SFMBT1: variants seen among roughly 807,000 people sequenced by gnomAD.
SFMBT1 encodes the protein scm-like with four MBT domains protein 1.
In SFMBT1, 32 loss-of-function variants were observed where a neutral mutation model predicts 108.7. The observed-to-expected ratio is 0.29, with a 90% confidence interval of 0.22 to 0.40. The LOEUF (loss-of-function observed/expected upper bound fraction) is 0.40, where lower values mean the gene tolerates loss of function less well. Ranked by LOEUF, SFMBT1 falls within the 10% of genes least tolerant of loss-of-function variation. The probability of loss-of-function intolerance (pLI) is 1.00; values close to 1 mark genes in which losing one functional copy is unlikely to be tolerated. For missense variants in SFMBT1, 816 were observed against 1,059.6 expected, an observed-to-expected ratio of 0.77 and a Z score of 3.19; for synonymous variants, 348 against 369.5, an observed-to-expected ratio of 0.94 and a Z score of 0.67.
chr3:52,957,967 A>C (rs1703833496), intron 2 of SFMBT1, among the ~76,000 whole-genome samples: 1 of 152,234 alleles, frequency 6.6e-6, no homozygotes, highest in South Asian at 2.1e-4. Flanking sequence ...AACGGGATCT[A>C]ATTAAACTAA....
chr3:53,040,761 G>T (rs548180920), intron 1 of SFMBT1, among the ~76,000 whole-genome samples: 1 of 151,950 alleles, frequency 6.6e-6, no homozygotes, highest in African/African-American at 2.4e-5. Context: ...GAGTTCAACA[G>T]GTACTTAACA....
chr3:52,971,301 C>T (rs1340588058), intron 1 of SFMBT1, among the ~76,000 whole-genome samples: 2 of 152,090 alleles, frequency 1.3e-5, no homozygotes, highest in East Asian at 1.9e-4. Flanking sequence ...TCATAATGAG[C>T]GTAGAAAACG....
At chr3:52,932,377 TA>T (rs1405432747) in intron 5 of SFMBT1, 69 bp from the exon 6 acceptor site, 5 of 1,492,828 alleles carry the variant, frequency 3.3e-6, no homozygotes, top group Non-Finnish European at 4.5e-6. Context: ...AGCCAACTTA[TA>T]AATGATCTCA....
intron 1 of SFMBT1, among the ~76,000 whole-genome samples, chr3:53,032,716 G>C (rs2106960433): frequency 6.6e-6 from 1 of 152,290 alleles, no homozygotes; most frequent in Non-Finnish European, 1.5e-5. Flanking sequence ...TGTGTGCAAG[G>C]TACTAACTAG....
chr3:52,920,531 A>C lies in SFMBT1; in HGVS notation c.1372+6T>G. On this transcript the variant is annotated splice_donor_region_variant and intron_variant, in intron 12 of 20. Transcript: ENST00000394752. Reference sequence around the variant, plus strand: ...TCAATCCTCTAACCCAGAAATAGACAGATACCTCGTGCTCGGCGAGGAGTG... The same window carrying C: ...TCAATCCTCTAACCCAGAAATAGACCGATACCTCGTGCTCGGCGAGGAGTG... 3.7e-6 allele frequency: 6 copies of C among 1,605,338 alleles called. No individual in the cohort carries two copies. The highest frequency in any genetic ancestry group is 5.1e-6 in the Non-Finnish European group (6 of 1,172,736).
chr3:53,028,751 C>G (rs1022197918), intron 1 of SFMBT1, among the ~76,000 whole-genome samples: 1 of 152,156 alleles, frequency 6.6e-6, no homozygotes, highest in African/African-American at 2.4e-5. Context: ...AGAGCAAACA[C>G]AACTCAGAAA....
chr3:52,932,400 G>C (rs1439469035), intron 5 of SFMBT1, 92 bp from the exon 6 acceptor site: 2 of 1,342,034 alleles, frequency 1.5e-6, no homozygotes, highest in African/African-American at 1.5e-5. Context: ...ACCAGCCTTT[G>C]TATTTTTTAC....
At chr3:53,045,288 G>A (rs936797046) in intron 1 of SFMBT1, 2 of 146,818 alleles carry the variant, frequency 1.4e-5, no homozygotes, top group Admixed American at 6.7e-5. Context: ...GACCGGCCGC[G>A]CGCCCGGCCC....
rs35322172 is a variant in SFMBT1 at position 52,981,164 on chromosome 3, G to GAAA, written c.-130-11909_-130-11907dup. On this transcript the variant is annotated intron_variant, in intron 1 of 20. Transcript: ENST00000394752. ...GCAACAAGAGCGAAATTCCATCTCAGAAAAAAAAAAAAAAAAGGTGAAGGA... is the reference window on the plus strand; with the variant it reads ...GCAACAAGAGCGAAATTCCATCTCAGAAAAAAAAAAAAAAAAAAAGGTGAAGGA... Among the ~76,000 whole-genome samples, 13 of 107,456 alleles carry GAAA rather than the reference G, an allele frequency of 1.2e-4. No individual in the cohort carries two copies. The South Asian group carries it at 3.5e-3, about 29-fold the overall frequency. 70.5% of individuals were successfully genotyped at this position (107,456 alleles called of 152,430 possible).
intron 10 of SFMBT1, among the ~76,000 whole-genome samples, chr3:52,925,619 G>A (rs1280506417): frequency 6.6e-6 from 1 of 152,108 alleles, no homozygotes; most frequent in Non-Finnish European, 1.5e-5. Flanking sequence ...GGTAGGGCAG[G>A]GACTGCTATT....
intron 1 of SFMBT1, among the ~76,000 whole-genome samples, chr3:52,995,528 C>A (rs1698293158): frequency 6.7e-6 from 1 of 150,104 alleles, no homozygotes; most frequent in African/African-American, 2.4e-5. Flanking sequence ...GTAGCTAGGA[C>A]TACAGGCATA....
At chr3:52,960,616 G>GATCTATCTATCTATCTATCT (rs35638922) in intron 2 of SFMBT1, among the ~76,000 whole-genome samples, 4 of 150,594 alleles carry the variant, frequency 2.7e-5, no homozygotes, top group Non-Finnish European at 5.9e-5. Flanking sequence ...ATTATCATAT[G>GATCTATCTATCTATCTATCT]ATCTATCTAT....
chr3:53,031,062 C>T (rs1322188288), intron 1 of SFMBT1, among the ~76,000 whole-genome samples: 1 of 152,196 alleles, frequency 6.6e-6, no homozygotes, highest in Non-Finnish European at 1.5e-5. Context: ...GCCTGTCCAA[C>T]CCTCTTCAGA....
At chr3:52,906,390 C>A in intron 19 of SFMBT1, 149 bp from the exon 20 acceptor site, 1 of 1,077,336 alleles carries the variant, frequency 9.3e-7, no homozygotes. Flanking sequence ...CAAAGACCCA[C>A]GTGCATCAGG....
chr3:52,965,701 A>T (rs1414245295), intron 2 of SFMBT1, among the ~76,000 whole-genome samples: 1 of 151,878 alleles, frequency 6.6e-6, no homozygotes, highest in African/African-American at 2.4e-5. Context: ...TCACTACTAG[A>T]CCTCCTTTAA....
chr3:52,911,559 G>A (rs953102090), intron 16 of SFMBT1, among the ~76,000 whole-genome samples: 11 of 152,168 alleles, frequency 7.2e-5, no homozygotes, highest in Non-Finnish European at 1.3e-4. Context: ...CCTGCCAATT[G>A]CCTGCCATCC....
intron 1 of SFMBT1, among the ~76,000 whole-genome samples, chr3:53,007,730 T>C (rs1228019832): frequency 6.6e-6 from 1 of 152,206 alleles, no homozygotes; most frequent in Non-Finnish European, 1.5e-5. Flanking sequence ...ATGAGATAGT[T>C]AACATAATTT....
At chr3:52,931,183 G>T in intron 6 of SFMBT1, 148 bp from the exon 7 acceptor site, 1 of 664,626 alleles carries the variant, frequency 1.5e-6, no homozygotes. Flanking sequence ...TACATTCAAA[G>T]AACTTGCACC....
At chr3:53,000,133 A>AT (rs1355737200) in intron 1 of SFMBT1, among the ~76,000 whole-genome samples, 3 of 150,036 alleles carry the variant, frequency 2.0e-5, no homozygotes, top group Non-Finnish European at 4.5e-5. Flanking sequence ...AAGTGCTGGG[A>AT]TTACAGGCGT....
Sources: gnomAD v4.1 joint callset for allele counts (sites outside exome capture counted in the v4.1 genomes callset) on GRCh38, gnomAD v4.1.1 for gene constraint, MANE v1.5 for transcripts, NCBI Gene and HGNC (gene_info 2026-07-23, HGNC 2026-07-21) for gene names.